The following SPIN1 variants were observed in gnomAD, a reference collection of about 807,000 sequenced individuals.
The protein encoded by SPIN1 is spindlin-1.
SPIN1 carries 3 observed loss-of-function variants against 26.0 expected under a neutral mutation model. The ratio of observed to expected loss-of-function variants is 0.12; its 90% confidence interval spans 0.05 to 0.30. The LOEUF (loss-of-function observed/expected upper bound fraction) is 0.30. Ranked by LOEUF, SPIN1 falls within the 10% of genes least tolerant of loss-of-function variation. The pLI, the probability that SPIN1 is intolerant of heterozygous loss-of-function variation, is 1.00. For synonymous variants in SPIN1, 101 were observed against 116.5 expected (o/e 0.87, Z 0.86); for missense variants, 126 against 333.4 (o/e 0.38, Z 4.84).
chr9:88,410,815 C>T, intron 1 of SPIN1: 2 of 943,926 alleles, frequency 2.1e-6, no homozygotes, highest in Non-Finnish European at 3.4e-6. Context: ...GTTTCCTCCA[C>T]TACCAGAGTT....
intron 1 of SPIN1, among the ~76,000 whole-genome samples, chr9:88,412,472 A>G (rs1002271455): frequency 3.3e-5 from 5 of 152,130 alleles, no homozygotes; most frequent in Admixed American, 6.6e-5. Context: ...AAACCCATCA[A>G]AGACCCAGAG....
intron 1 of SPIN1, among the ~76,000 whole-genome samples, chr9:88,425,673 C>CAAAAA (rs370111864): frequency 1.0e-5 from 1 of 99,260 alleles, no homozygotes; most frequent in East Asian, 2.9e-4. Flanking sequence ...GACTCTGTCT[C>CAAAAA]AAAAAAAAAA....
chr9:88,391,060 T>C (rs1047681622), intron 1 of SPIN1, among the ~76,000 whole-genome samples: 1 of 152,164 alleles, frequency 6.6e-6, no homozygotes, highest in East Asian at 1.9e-4. Context: ...CTTGAACTCT[T>C]GGGTTGGGCT....
At chr9:88,396,919 T>C (rs1827075191) in intron 1 of SPIN1, among the ~76,000 whole-genome samples, 1 of 152,010 alleles carries the variant, frequency 6.6e-6, no homozygotes, top group African/African-American at 2.4e-5. Flanking sequence ...TATCTAAACA[T>C]ATCTAAGGAC....
At chr9:88,430,594 TTAAC>T (rs1362320718) in intron 2 of SPIN1, among the ~76,000 whole-genome samples, 1 of 152,218 alleles carries the variant, frequency 6.6e-6, no homozygotes, top group Non-Finnish European at 1.5e-5. Context: ...GTACCTGTCT[TTAAC>T]ATAGAGGGTG....
At chr9:88,409,837 CAAA>C (rs879517349) in intron 1 of SPIN1, among the ~76,000 whole-genome samples, 3 of 111,178 alleles carry the variant, frequency 2.7e-5, no homozygotes. Context: ...GACTCCGTCT[CAAA>C]AAAAAAAAAA....
At chr9:88,461,871 T>C (rs1828584120) in intron 3 of SPIN1, among the ~76,000 whole-genome samples, 1 of 152,242 alleles carries the variant, frequency 6.6e-6, no homozygotes, top group African/African-American at 2.4e-5. Flanking sequence ...TAATATTACA[T>C]TGTTATAAAC....
At chr9:88,440,506 A>G (rs1828097661) in intron 2 of SPIN1, among the ~76,000 whole-genome samples, 1 of 151,938 alleles carries the variant, frequency 6.6e-6, no homozygotes, top group Non-Finnish European at 1.5e-5. Context: ...TTTGCGATAT[A>G]TATTTACAAG....
At chr9:88,463,257 T>C (rs1464537099) in intron 4 of SPIN1, among the ~76,000 whole-genome samples, 2 of 152,224 alleles carry the variant, frequency 1.3e-5, no homozygotes, top group Non-Finnish European at 2.9e-5. Context: ...TGAATGGCTC[T>C]TTTTAAATGT....
intron 3 of SPIN1, among the ~76,000 whole-genome samples, chr9:88,461,017 C>T (rs952506716): frequency 6.6e-6 from 1 of 152,218 alleles, no homozygotes; most frequent in Admixed American, 6.5e-5. Context: ...CTTTTTCCTC[C>T]TCAAGATACT....
At chr9:88,401,749 A>C (rs1488352716) in intron 1 of SPIN1, among the ~76,000 whole-genome samples, 1 of 152,214 alleles carries the variant, frequency 6.6e-6, no homozygotes, top group African/African-American at 2.4e-5. Flanking sequence ...TATATTACAC[A>C]AAAAATGTAA....
intron 2 of SPIN1, among the ~76,000 whole-genome samples, chr9:88,437,900 C>T (rs1828039409): frequency 6.6e-6 from 1 of 152,180 alleles, no homozygotes; most frequent in African/African-American, 2.4e-5. Flanking sequence ...TGGCTCAAGC[C>T]TGCAATCCCA....
intron 2 of SPIN1, among the ~76,000 whole-genome samples, chr9:88,438,785 A>G (rs1828059230): frequency 6.6e-6 from 1 of 152,216 alleles, no homozygotes; most frequent in Non-Finnish European, 1.5e-5. Flanking sequence ...TGATTCCACA[A>G]TTGGGTGATG....
intron 2 of SPIN1, among the ~76,000 whole-genome samples, chr9:88,428,471 G>A (rs887824104): frequency 6.6e-6 from 1 of 152,190 alleles, no homozygotes; most frequent in Non-Finnish European, 1.5e-5. Flanking sequence ...TTAGGATAAT[G>A]GCCTCTAGCT....
chr9:88,422,230 TAAA>T (rs2118006604), intron 1 of SPIN1, among the ~76,000 whole-genome samples: 1 of 152,308 alleles, frequency 6.6e-6, no homozygotes, highest in South Asian at 2.1e-4. Flanking sequence ...GACCTTATAA[TAAA>T]GCTCCATTTG....
In SPIN1 at chr9:88,476,704, ATTGG is replaced by A. The variant is rs1345808140; in HGVS notation, c.*1431_*1434del. On this transcript the variant is annotated 3_prime_UTR_variant, in exon 6 of 6. Transcript: ENST00000375859. Reference sequence around the variant, plus strand: ...AAACTGAAATAGAACTGCTAGTGTGATTGGTTGATCAGCAAAACAGCTGCTCTCA... The same window carrying A: ...AAACTGAAATAGAACTGCTAGTGTGATTGATCAGCAAAACAGCTGCTCTCA... 2.0e-5 allele frequency: 3 copies of A among 152,194 alleles called. No individual in the cohort carries two copies. Among genetic ancestry groups the A allele is most frequent in the African/African-American group, 7.2e-5 (3 of 41,440 alleles). The allele number at this position is 152,194 out of a possible 1,614,324, so 9.4% of individuals were successfully genotyped here. A position where few individuals can be genotyped will look rare whatever the true frequency, so the allele number is the denominator to read the frequency against.
intron 2 of SPIN1, among the ~76,000 whole-genome samples, chr9:88,431,429 T>G (rs953724285): frequency 6.6e-6 from 1 of 151,588 alleles, no homozygotes; most frequent in African/African-American, 2.4e-5. Context: ...TAGCTGGGAT[T>G]ACAGGCATCC....
At chr9:88,429,672 A>G (rs532297237) in intron 2 of SPIN1, among the ~76,000 whole-genome samples, 6 of 152,254 alleles carry the variant, frequency 3.9e-5, no homozygotes, top group Non-Finnish European at 7.4e-5. Context: ...AGCTCTTCTA[A>G]ACTCTGTCTT....
intron 4 of SPIN1, among the ~76,000 whole-genome samples, chr9:88,465,267 T>G (rs1384395432): frequency 6.6e-6 from 1 of 152,210 alleles, no homozygotes; most frequent in Non-Finnish European, 1.5e-5. Context: ...AGATCCTGCT[T>G]TCAGTTGTTT....
Sources: gnomAD v4.1 joint callset for allele counts (sites outside exome capture counted in the v4.1 genomes callset) on GRCh38, gnomAD v4.1.1 for gene constraint, MANE v1.5 for transcripts, NCBI Gene and HGNC (gene_info 2026-07-23, HGNC 2026-07-21) for gene names.